PTPN23: variants seen among roughly 807,000 people sequenced by gnomAD.
PTPN23 encodes the protein protein tyrosine phosphatase non-receptor type 23, also known as tyrosine-protein phosphatase non-receptor type 23.
In PTPN23, 72 loss-of-function variants were observed where a neutral mutation model predicts 156.3. That is an observed-to-expected ratio of 0.46 (90% CI 0.38 to 0.56). The LOEUF (loss-of-function observed/expected upper bound fraction) is 0.56. PTPN23 is among the 20% of genes least tolerant of loss of function. The pLI, the probability that PTPN23 is intolerant of heterozygous loss-of-function variation, is 0.00. For missense variants in PTPN23, 1,974 were observed against 2,171.5 expected (o/e 0.91, Z 1.81); for synonymous variants, 957 against 899.6 (o/e 1.06, Z -1.14).
intron 1 of PTPN23, among the ~76,000 whole-genome samples, chr3:47,395,925 TAGG>T: frequency 6.6e-6 from 1 of 152,196 alleles, no homozygotes. Flanking sequence ...ACTGCAGCGT[TAGG>T]AGGACCTGCC....
In PTPN23 at chr3:47,406,459, T is replaced by C; in HGVS notation, c.628-22T>C. 6.2e-7 allele frequency: 1 copy of C among 1,613,822 alleles called. No individual in the cohort carries two copies. Among genetic ancestry groups the C allele is most frequent in the Non-Finnish European group, 8.5e-7 (1 of 1,179,946 alleles). ...ACTTTACTGCTGACTCCCCCACTCA[T>C]TGGGCCCCACCCTGTTCTCAGGTGG... On this transcript the variant is annotated intron_variant, in intron 7 of 24. Transcript: ENST00000265562. The surrounding 1 kb of genome is among the most constrained non-coding windows in gnomAD (Gnocchi z 5.8).
chr3:47,402,232 A>T (rs1388700909), intron 2 of PTPN23, among the ~76,000 whole-genome samples: 1 of 152,192 alleles, frequency 6.6e-6, no homozygotes, highest in East Asian at 1.9e-4. Flanking sequence ...CAATATGAAG[A>T]ATTAAATACA....
chr3:47,406,319 C>T lies in PTPN23; in HGVS notation c.547-6C>T. 1.2e-6 allele frequency: 2 copies of T among 1,613,438 alleles called. No individual in the cohort carries two copies. Among genetic ancestry groups the T allele is most frequent in the Non-Finnish European group, 8.5e-7 (1 of 1,179,986 alleles). On this transcript the variant is annotated splice_region_variant and splice_polypyrimidine_tract_variant and intron_variant, in intron 6 of 24. Coordinates refer to ENST00000265562, the MANE Select transcript of PTPN23 (RefSeq NM_015466.4). This position sits in a 1 kb window ranked among gnomAD's most constrained non-coding sequence, Gnocchi z 5.8. ...GCGAGGGAGTGCACCTCACGTGTCG[C>T]CCCAGGGCCAGGCTCAGGAGTGCCT...
chr3:47,393,766 TTTATTA>T lies in PTPN23; in HGVS notation c.85-2362_85-2357del, dbSNP rs962326333. On this transcript the variant is annotated intron_variant, in intron 1 of 24. Coordinates refer to ENST00000265562, the MANE Select transcript of PTPN23 (RefSeq NM_015466.4). ...CTTTAATCACTTATTTATTTGTTTA[TTTATTA>T]TTATTATTATTATTTTTGGAAACAG... Among the ~76,000 whole-genome samples, 107 of 151,898 alleles carry T rather than the reference TTTATTA, an allele frequency of 7.0e-4. 1 individual carries two copies. Among genetic ancestry groups the T allele is most frequent in the African/African-American group, 2.5e-3 (104 of 41,478 alleles).
chr3:47,409,192 C>T lies in PTPN23; in HGVS notation c.1672C>T (p.Arg558Cys), dbSNP rs1398239891. 6 of 1,614,036 alleles carry T rather than the reference C, an allele frequency of 3.7e-6. No homozygotes were observed. The highest frequency in any genetic ancestry group is 1.3e-5 in the African/African-American group (1 of 74,940). ...EDKAVLQNLK[R>C]ILAKVQEMRD... ...CAAGGCCGTGCTGCAAAACCTAAAG[C>T]GCATCCTGGCTAAGGTGCAGGAGAT... Residue 558 changes from arginine to cysteine, a missense_variant, in exon 17 of 25, where the codon CGC (arginine) becomes TGC (cysteine). Physicochemically the swap from Arg to Cys is radical, Grantham distance 180. Around this residue, in one of 4 missense-constraint regions of PTPN23, gnomAD observed 726 missense variants for 929.5 expected, o/e 0.78. Coordinates refer to ENST00000265562, the MANE Select transcript of PTPN23 (RefSeq NM_015466.4).
chr3:47,409,401 C>T lies in PTPN23; in HGVS notation c.1798-16C>T, dbSNP rs1406781815. The T allele has an allele frequency of 6.2e-7, 1 of 1,614,016 alleles. No individual in the cohort carries two copies. Among genetic ancestry groups the T allele is most frequent in the Non-Finnish European group, 8.5e-7 (1 of 1,179,972 alleles). On this transcript the variant is annotated splice_polypyrimidine_tract_variant and intron_variant, in intron 17 of 24. Transcript: ENST00000265562. ...AGGCCCTGAGTGTCCGTCCCTGGCC[C>T]CCACCCCTTCCTCAGAAGTTGTTCG... is the stretch of plus-strand genomic sequence containing the variant.
In PTPN23 at chr3:47,405,239, C is replaced by G. The variant is rs1293072954; in HGVS notation, c.364+158C>G. 1 of 693,194 alleles carries G rather than the reference C, an allele frequency of 1.4e-6. No individual in the cohort carries two copies. Among genetic ancestry groups the G allele is most frequent in the African/African-American group, 1.8e-5 (1 of 56,678 alleles). The allele number at this position is 693,194 out of a possible 1,614,324, so 42.9% of individuals were successfully genotyped here. On this transcript the variant is annotated intron_variant, in intron 4 of 24. Coordinates refer to ENST00000265562, the MANE Select transcript of PTPN23 (RefSeq NM_015466.4). The surrounding 1 kb of genome is among the most constrained non-coding windows in gnomAD (Gnocchi z 4.7). Reference sequence around the variant, plus strand: ...CCCCACAGCCCTGCCAGCTCCTCCACTGTTTTCTGGGCTGGGCCCGTGGGG... The same window carrying G: ...CCCCACAGCCCTGCCAGCTCCTCCAGTGTTTTCTGGGCTGGGCCCGTGGGG...
rs141368563 is a variant in PTPN23, at chr3:47,389,115, T to C, written c.85-7028T>C. Among the ~76,000 whole-genome samples the C allele has an allele frequency of 5.1e-4, 77 of 152,290 alleles. 1 individual carries two copies. The highest frequency in any genetic ancestry group is 7.9e-4 in the Non-Finnish European group (54 of 68,024). ...GTTTCCATGAATTCAGTGGTTTTAA[T>C]TTTTAGCTCCCACAAAAAAGTGAGA... On this transcript the variant is annotated intron_variant, in intron 1 of 24. Coordinates refer to ENST00000265562, the MANE Select transcript of PTPN23 (RefSeq NM_015466.4).
Position 47,413,181 on chromosome 3 carries a change from C to T in PTPN23, c.4907C>T (p.Thr1636Ile). 6.2e-7 allele frequency: 1 copy of T among 1,608,386 alleles called. No individual in the cohort carries two copies. Among genetic ancestry groups the T allele is most frequent in the Non-Finnish European group, 8.5e-7 (1 of 1,177,230 alleles). ...LLDPLWTLNK[T>I] ...GATCCACTCTGGACACTCAACAAGA[C>T]CTGAACAGGTTTTGCCTACCTGGTC... Residue 1636 changes from threonine (T) to isoleucine (I), a missense_variant, in exon 25 of 25, where the codon ACC becomes ATC. Physicochemically the swap from Thr to Ile is moderately conservative, Grantham distance 89. Coordinates refer to ENST00000265562, the MANE Select transcript of PTPN23 (RefSeq NM_015466.4).
chr3:47,392,359 T>G (rs1293753486), intron 1 of PTPN23, among the ~76,000 whole-genome samples: 1 of 151,260 alleles, frequency 6.6e-6, no homozygotes, highest in Non-Finnish European at 1.5e-5. Flanking sequence ...ATTTTTAAAT[T>G]TTTTTTCGTA....
Position 47,410,046 on chromosome 3 carries a change from C to T in PTPN23, c.2248C>T (p.Pro750Ser), listed in dbSNP as rs199549354. 7.4e-6 allele frequency: 12 copies of T among 1,611,642 alleles called. No homozygotes were observed. The highest frequency in any genetic ancestry group is 1.1e-5 in the South Asian group (1 of 90,550). The part of the protein sequence containing the change: ...DPPEELRSLP[P>S]DMVAGPRLPD... Reference sequence around the variant, plus strand: ...CCCTGAGGAGCTGCGCAGCCTCCCCCCTGACATGGTGGCTGGCCCACGACT... The same window carrying T: ...CCCTGAGGAGCTGCGCAGCCTCCCCTCTGACATGGTGGCTGGCCCACGACT... Residue 750 changes from proline (P) to serine (S), a missense_variant, in exon 20 of 25, where the codon CCT (proline) becomes TCT (serine). Transcript: ENST00000265562.
chr3:47,399,569 A>G (rs1249075603), intron 2 of PTPN23, among the ~76,000 whole-genome samples: 1 of 152,200 alleles, frequency 6.6e-6, no homozygotes, highest in Non-Finnish European at 1.5e-5. Flanking sequence ...ACACCCTAGA[A>G]GGAGCATTAC....
Position 47,406,401 on chromosome 3 carries a change from C to T in PTPN23, c.623C>T (p.Ala208Val), listed in dbSNP as rs1363874448. ...AGCTTTCTGGTGGCCCGCATCAGTG[C>T]ACAGGTAGGGACGGGGCTGAGGGGA... is the stretch of plus-strand genomic sequence containing the variant. Reference protein sequence around the residue: ...RKSFLVARISAQVVDYYKEAC... With the variant: ...RKSFLVARISVQVVDYYKEAC... The change falls in exon 7 of 25, where the codon GCA (alanine) becomes GTA (valine). Residue 208 changes from alanine to valine, a missense_variant. Ala to Val is a moderately conservative substitution (Grantham distance 64). This residue lies in a region of PTPN23 where 726 missense variants were observed against 929.5 expected (regional missense o/e 0.78). Transcript: ENST00000265562. The surrounding 1 kb of genome is among the most constrained non-coding windows in gnomAD (Gnocchi z 5.8). 6.2e-7 allele frequency: 1 copy of T among 1,613,858 alleles called. No homozygotes were observed. Among genetic ancestry groups the T allele is most frequent in the Non-Finnish European group, 8.5e-7 (1 of 1,180,022 alleles).
intron 2 of PTPN23, among the ~76,000 whole-genome samples, chr3:47,397,504 T>C (rs1355279460): frequency 1.3e-5 from 2 of 152,344 alleles, no homozygotes; most frequent in South Asian, 2.1e-4. Flanking sequence ...GTACCAGTAA[T>C]GTAGATACAT....
intron 3 of PTPN23, 56 bp downstream of exon 3, chr3:47,404,835 G>T: frequency 6.3e-7 from 1 of 1,593,630 alleles, no homozygotes. Flanking sequence ...TGGTGGGGGT[G>T]CTCCTCCCCT....
rs117906026 is a variant in PTPN23 at position 47,396,262 on chromosome 3, G to A, written c.159+45G>A. On this transcript the variant is annotated intron_variant, in intron 2 of 24. Transcript: ENST00000265562. The stretch of plus-strand genomic sequence containing the variant: ...TTTTTATGCATGGGTAGACAGGATT[G>A]GTTTGATAGGGAGATAAAGAAACTG... 1,860 of 1,513,246 alleles carry A rather than the reference G, an allele frequency of 1.2e-3. 36 individuals carry two copies. In the East Asian group the frequency reaches 0.03, roughly 25 times the overall value. 93.7% of individuals were successfully genotyped at this position (1,513,246 alleles called of 1,614,324 possible).
At chr3:47,381,909 A>T (rs1320164666) in intron 1 of PTPN23, among the ~76,000 whole-genome samples, 1 of 152,128 alleles carries the variant, frequency 6.6e-6, no homozygotes, top group East Asian at 1.9e-4. Flanking sequence ...ACTTCTGTGG[A>T]GAGGTTCAGG....
chr3:47,405,893 C>T lies in PTPN23; in HGVS notation c.415-22C>T. The T allele has an allele frequency of 1.2e-6, 2 of 1,611,238 alleles. No homozygotes were observed. Among genetic ancestry groups the T allele is most frequent in the Non-Finnish European group, 1.7e-6 (2 of 1,178,442 alleles). On this transcript the variant is annotated intron_variant, in intron 5 of 24. Coordinates refer to ENST00000265562, the MANE Select transcript of PTPN23 (RefSeq NM_015466.4). This position sits in a 1 kb window ranked among gnomAD's most constrained non-coding sequence, Gnocchi z 4.7. The stretch of plus-strand genomic sequence containing the variant: ...TCCTGACCCATGGAGTGGACACAGG[C>T]CATCCTCCCACTCCCTCCCAGGGCA...
At chr3:47,386,323 G>A (rs996055242) in intron 1 of PTPN23, among the ~76,000 whole-genome samples, 7 of 151,918 alleles carry the variant, frequency 4.6e-5, no homozygotes, top group South Asian at 4.2e-4. Context: ...GTACCACCAC[G>A]CCCAACCAAT....
Sources: gnomAD v4.1 joint callset for allele counts (sites outside exome capture counted in the v4.1 genomes callset) on GRCh38, gnomAD v4.1.1 for gene constraint, gnomAD v4.1.1 regional missense constraint, Gnocchi (gnomAD v3.1) non-coding constraint, MANE v1.5 for transcripts, NCBI Gene and HGNC (gene_info 2026-07-23, HGNC 2026-07-21) for gene names.